CORO1B: variants seen among roughly 807,000 people sequenced by gnomAD.
CORO1B encodes the protein coronin 1B, also known as coronin-1B.
Under a neutral mutation model 51.1 loss-of-function variants are expected in CORO1B, and 30 were observed. The ratio of observed to expected loss-of-function variants is 0.59; its 90% CI spans 0.44 to 0.80. The LOEUF is 0.80. Ranked by LOEUF, CORO1B falls within the 30% of genes least tolerant of loss-of-function variation. CORO1B has a pLI of 0.00. For synonymous variants in CORO1B, 310 were observed against 289.7 expected, an observed-to-expected ratio of 1.07 and a Z score of -0.71; for missense variants, 648 against 700.4, an observed-to-expected ratio of 0.93 and a Z score of 0.84.
Position 67,437,207 on chromosome 11 carries a change from G to A in CORO1B, c.*1169C>T, listed in dbSNP as rs527433466. 2.3e-5 allele frequency: 4 copies of A among 172,112 alleles called. No homozygotes were observed. The highest frequency in any genetic ancestry group is 9.5e-5 in the African/African-American group (4 of 42,292). The allele number at this position is 172,112 out of a possible 1,614,324, so 10.7% of individuals were successfully genotyped here. A position where few individuals can be genotyped will look rare whatever the true frequency, so the allele number is the denominator to read the frequency against. ...CAGGCGTGCAGGGCCGGGGGCTGGG[G>A]GGGGCTGGGGGAGGCGGGCGCAGCT... is the stretch of plus-strand genomic sequence containing the variant. On this transcript the variant is annotated 3_prime_UTR_variant, in exon 11 of 11. Transcript: ENST00000341356.
At chr11:67,439,022 TC>T in intron 9 of CORO1B, 73 bp from the exon 10 acceptor site, 1 of 1,477,108 alleles carries the variant, frequency 6.8e-7, no homozygotes, top group Non-Finnish European at 9.1e-7. Flanking sequence ...TCCCCTGGCC[TC>T]CAGGCTTGCA....
chr11:67,441,175 T>A lies in CORO1B; in HGVS notation c.706A>T (p.Thr236Ser). 1 of 1,613,110 alleles carries A rather than the reference T, an allele frequency of 6.2e-7. No individual in the cohort carries two copies. The highest frequency in any genetic ancestry group is 1.7e-5 in the Admixed American group (1 of 60,024). Residue 236 changes from threonine to serine, a missense_variant, in exon 6 of 11, where the codon ACC becomes TCC. Coordinates refer to ENST00000341356, the MANE Select transcript of CORO1B (RefSeq NM_020441.3). The part of the protein sequence containing the change: ...AIFLADGKVF[T>S]TGFSRMSERQ... ...TCGCTCATTCGGCTGAAGCCTGTGGTGAACACCTTGCCATCTGCCAGGAAG... is the reference window on the plus strand; with the variant it reads ...TCGCTCATTCGGCTGAAGCCTGTGGAGAACACCTTGCCATCTGCCAGGAAG...
rs1339204636 is a variant in CORO1B at position 67,440,320 on chromosome 11, C to T, written c.861+15G>A. Reference sequence around the variant, plus strand: ...CGCCTCTTCCCTGCCCCTCGCCAGCCCTGCCCAGCCCCACCTTGCCGCAGA... The same window carrying T: ...CGCCTCTTCCCTGCCCCTCGCCAGCTCTGCCCAGCCCCACCTTGCCGCAGA... On this transcript the variant is annotated intron_variant, in intron 7 of 10. Coordinates refer to ENST00000341356, the MANE Select transcript of CORO1B (RefSeq NM_020441.3). The T allele has an allele frequency of 3.1e-6, 5 of 1,613,258 alleles. No individual in the cohort carries two copies. The highest frequency in any genetic ancestry group is 2.2e-5 in the South Asian group (2 of 91,070).
chr11:67,436,225 GAGC>G lies in CORO1B; in HGVS notation c.*2148_*2150del, dbSNP rs761732400. 49 of 1,545,676 alleles carry G rather than the reference GAGC, an allele frequency of 3.2e-5. No individual in the cohort carries two copies. The highest frequency in any genetic ancestry group is 9.8e-5 in the Admixed American group (5 of 51,230). ...GTGCTAGGCCAGTGGCCAGCAGTAG[GAGC>G]AGCAGCAGCAGCAGGACAACGGTGA... On this transcript the variant is annotated 3_prime_UTR_variant, in exon 11 of 11. Transcript: ENST00000341356.
chr11:67,439,779 G>T lies in CORO1B; in HGVS notation c.1065+7C>A. On this transcript the variant is annotated splice_region_variant and intron_variant, in intron 9 of 10. Transcript: ENST00000341356. ...GGCCAAGTGAGCCGAGGGACGGGCG[G>T]CCTCACCTTTCTTGGCACAGTCATG... 7 of 1,584,002 alleles carry T rather than the reference G, an allele frequency of 4.4e-6. No homozygotes were observed. The highest frequency in any genetic ancestry group is 1.2e-5 in the South Asian group (1 of 86,524).
upstream of CORO1B, chr11:67,443,701 A>AGGGCC (rs1274437865): frequency 1.0e-6 from 1 of 979,772 alleles, no homozygotes; most frequent in African/African-American, 1.8e-5. Context: ...GGGGCGGGGC[A>AGGGCC]GGGCCGACGG....
chr11:67,442,507 C>T lies in CORO1B; in HGVS notation c.122G>A (p.Cys41Tyr). The change falls in exon 2 of 11, where the codon TGC becomes TAC. Residue 41 changes from cysteine (C) to tyrosine (Y), a missense_variant. Cys to Tyr is a radical substitution (Grantham distance 194). Coordinates refer to ENST00000341356, the MANE Select transcript of CORO1B (RefSeq NM_020441.3). ...VSRVTWDSTFCAVNPKFLAVI... is the reference protein window; with the variant it reads ...VSRVTWDSTFYAVNPKFLAVI... ...CGCCAGGAACTTGGGGTTGACGGCG[C>T]AGAAGGTGCTGTCCCAGGTAACACG... is the stretch of plus-strand genomic sequence containing the variant. 6.2e-7 allele frequency: 1 copy of T among 1,613,688 alleles called. No homozygotes were observed. Among genetic ancestry groups the T allele is most frequent in the Non-Finnish European group, 8.5e-7 (1 of 1,180,022 alleles).
At position 67,436,318 on chromosome 11, in the gene CORO1B, C is replaced by T. The variant is rs373876430; in HGVS notation, c.*2058G>A. ...AGCCCAAGGCCCCTGGCAGGGCCAG[C>T]AGCATCCCGAGCCCTAAGGTGCAGG... On this transcript the variant is annotated 3_prime_UTR_variant, in exon 11 of 11. Transcript: ENST00000341356. 3.3e-6 allele frequency: 5 copies of T among 1,513,464 alleles called. No individual in the cohort carries two copies. Among genetic ancestry groups the T allele is most frequent in the East Asian group, 4.9e-5 (2 of 40,870 alleles). 93.8% of individuals were successfully genotyped at this position (1,513,464 alleles called of 1,614,324 possible). A position where few individuals can be genotyped will look rare whatever the true frequency, so the allele number is the denominator to read the frequency against.
upstream of CORO1B, chr11:67,443,792 T>C (rs1864444484): frequency 1.0e-6 from 1 of 985,258 alleles, no homozygotes; most frequent in Non-Finnish European, 1.2e-6. Context: ...CTCCTCATAA[T>C]GGCATCCGCA....
At chr11:67,439,056 G>T in intron 9 of CORO1B, 107 bp from the exon 10 acceptor site, 1 of 1,289,570 alleles carries the variant, frequency 7.8e-7, no homozygotes, top group Non-Finnish European at 1.0e-6. Context: ...ATTCTCCCAC[G>T]GCCTGGAAAG....
At chr11:67,443,514 GGGGGC>G, upstream of CORO1B, 7 of 956,892 alleles carry the variant, frequency 7.3e-6, no homozygotes, top group Non-Finnish European at 8.7e-6. Flanking sequence ...GACCCGGAGC[GGGGGC>G]GGGGCAGGGG....
rs949652914 is a variant in CORO1B, at chr11:67,439,777, C to T, written c.1065+9G>A. ...AGGGCCAAGTGAGCCGAGGGACGGG[C>T]GGCCTCACCTTTCTTGGCACAGTCA... On this transcript the variant is annotated intron_variant, in intron 9 of 10. Transcript: ENST00000341356. 22 of 1,582,506 alleles carry T rather than the reference C, an allele frequency of 1.4e-5. No individual in the cohort carries two copies. The highest frequency in any genetic ancestry group is 3.5e-5 in the South Asian group (3 of 86,386).
chr11:67,437,009 CCT>C lies in CORO1B; in HGVS notation c.*1365_*1366del, dbSNP rs897406794. On this transcript the variant is annotated 3_prime_UTR_variant, in exon 11 of 11. Coordinates refer to ENST00000341356, the MANE Select transcript of CORO1B (RefSeq NM_020441.3). ...CTAGCTGGTGTCAGGGCTGGCTCTC[CCT>C]GAGGCCTGGGATGGGGGATGGAGGG... The C allele has an allele frequency of 6.6e-5, 10 of 152,414 alleles. No homozygotes were observed. The highest frequency in any genetic ancestry group is 2.4e-4 in the African/African-American group (10 of 41,388). The allele number at this position is 152,414 out of a possible 1,614,324, so 9.4% of individuals were successfully genotyped here.
rs764845478 is a variant in CORO1B at position 67,441,049 on chromosome 11, C to T, written c.756+76G>A. 28 of 1,606,528 alleles carry T rather than the reference C, an allele frequency of 1.7e-5. 1 individual carries two copies. The South Asian group carries it at 3.0e-4, about 17-fold the overall frequency. On this transcript the variant is annotated intron_variant, in intron 6 of 10. Coordinates refer to ENST00000341356, the MANE Select transcript of CORO1B (RefSeq NM_020441.3). ...AGAGAAGCTAGGAACCACAGGCCTC[C>T]CCAGGGTGAACCCTGCCTGCCTGGC...
chr11:67,442,505 C>T lies in CORO1B; in HGVS notation c.124G>A (p.Ala42Thr), dbSNP rs1256353385. 5.6e-6 allele frequency: 9 copies of T among 1,613,630 alleles called. No individual in the cohort carries two copies. The highest frequency in any genetic ancestry group is 7.6e-6 in the Non-Finnish European group (9 of 1,180,024). Residue 42 changes from alanine to threonine, a missense_variant, in exon 2 of 11, where the codon GCC becomes ACC. Physicochemically the swap from Ala to Thr is moderately conservative, Grantham distance 58. Transcript: ENST00000341356. ...ACCGCCAGGAACTTGGGGTTGACGG[C>T]GCAGAAGGTGCTGTCCCAGGTAACA... Reference protein sequence around the residue: ...SRVTWDSTFCAVNPKFLAVIV... With the variant: ...SRVTWDSTFCTVNPKFLAVIV...
At position 67,436,672 on chromosome 11, in the gene CORO1B, C is replaced by T. The variant is rs1864289717; in HGVS notation, c.*1704G>A. 6.7e-6 allele frequency: 2 copies of T among 300,680 alleles called. No homozygotes were observed. Among genetic ancestry groups the T allele is most frequent in the East Asian group, 5.9e-5 (1 of 16,980 alleles). The allele number at this position is 300,680 out of a possible 1,614,324, so 18.6% of individuals were successfully genotyped here. The stretch of plus-strand genomic sequence containing the variant: ...CCTCCCCTCCCCCGGGCTGCATGGC[C>T]TGCTCACCGTGCTCAAACTTCACCC... On this transcript the variant is annotated 3_prime_UTR_variant, in exon 11 of 11. Coordinates refer to ENST00000341356, the MANE Select transcript of CORO1B (RefSeq NM_020441.3).
chr11:67,440,256 G>A lies in CORO1B; in HGVS notation c.869C>T (p.Ser290Phe). 1 of 1,613,592 alleles carries A rather than the reference G, an allele frequency of 6.2e-7. No homozygotes were observed. The highest frequency in any genetic ancestry group is 8.5e-7 in the Non-Finnish European group (1 of 1,179,788). ...TGTGATCTCAAAGTACCGGATGCTG[G>A]AGTCACCCTGTGTGGGGAGGGGGCT... ...SVVYVCGKGD[S>F]SIRYFEITEE... The change falls in exon 8 of 11, where the codon TCC becomes TTC. Residue 290 changes from serine to phenylalanine, a missense_variant. Ser to Phe is a radical substitution (Grantham distance 155, BLOSUM62 -2). Coordinates refer to ENST00000341356, the MANE Select transcript of CORO1B (RefSeq NM_020441.3).
In CORO1B at chr11:67,435,814, C is replaced by T; in HGVS notation, c.*2562G>A. On this transcript the variant is annotated 3_prime_UTR_variant, in exon 11 of 11. Coordinates refer to ENST00000341356, the MANE Select transcript of CORO1B (RefSeq NM_020441.3). ...AGGCTGCGCTGCCAGCAAAGGCGTG[C>T]AGGTCACTCAGCAGGGCCTCAGCAC... is the stretch of plus-strand genomic sequence containing the variant. The T allele has an allele frequency of 1.2e-6, 2 of 1,602,806 alleles. No individual in the cohort carries two copies. Among genetic ancestry groups the T allele is most frequent in the Non-Finnish European group, 1.7e-6 (2 of 1,175,974 alleles).
intron 9 of CORO1B, 130 bp from the exon 10 acceptor site, chr11:67,439,079 CT>C: frequency 9.6e-7 from 1 of 1,038,072 alleles, no homozygotes; most frequent in Non-Finnish European, 1.4e-6. Context: ...CAAATCTGGC[CT>C]TTAACTTCCT....
Sources: gnomAD v4.1 joint callset for allele counts on GRCh38, gnomAD v4.1.1 for gene constraint, MANE v1.5 for transcripts, NCBI Gene and HGNC (gene_info 2026-07-23, HGNC 2026-07-21) for gene names.